The following RPTOR variants were observed in gnomAD, a reference collection of about 807,000 sequenced individuals.
RPTOR encodes regulatory-associated protein of mTOR.
A neutral mutation model predicts 169.9 loss-of-function variants in RPTOR; 21 were observed. That is an observed-to-expected ratio of 0.12 (90% CI 0.09 to 0.18). The LOEUF is 0.18. Among genes scored for constraint, RPTOR ranks in the 10% least tolerant of loss-of-function variants. RPTOR has a pLI of 1.00. For missense variants in RPTOR, 1,133 were observed against 1,855.9 expected, an observed-to-expected ratio of 0.61 and a Z score of 7.16; for synonymous variants, 732 against 753.2, an observed-to-expected ratio of 0.97 and a Z score of 0.46.
At chr17:80,849,109 A>G (rs1260958757) in intron 11 of RPTOR, among the ~76,000 whole-genome samples, 1 of 152,168 alleles carries the variant, frequency 6.6e-6, no homozygotes, top group Non-Finnish European at 1.5e-5. Flanking sequence ...ACCCCCCGGG[A>G]GTGGCTTCTT....
chr17:80,585,685 A>G (rs1012262977), intron 1 of RPTOR, among the ~76,000 whole-genome samples: 28 of 152,326 alleles, frequency 1.8e-4, no homozygotes, highest in African/African-American at 6.5e-4. Flanking sequence ...GTTTAGGCAC[A>G]GTGCTGCTTC....
intron 4 of RPTOR, among the ~76,000 whole-genome samples, chr17:80,713,375 T>TA (rs1326990756): frequency 6.6e-6 from 1 of 152,242 alleles, no homozygotes; most frequent in African/African-American, 2.4e-5. Flanking sequence ...AGATATGTGT[T>TA]TCGCAAATAT....
chr17:80,600,109 GCT>G (rs1377801776), intron 1 of RPTOR, among the ~76,000 whole-genome samples: 1 of 152,190 alleles, frequency 6.6e-6, no homozygotes, highest in East Asian at 1.9e-4. Context: ...TGGCCTTTCA[GCT>G]GGAGGAGAGG....
rs940705722 is a variant in RPTOR at position 80,545,006 on chromosome 17, G to A, written c.-624G>A. The A allele has an allele frequency of 9.5e-5, 22 of 232,668 alleles. No homozygotes were observed. Among genetic ancestry groups the A allele is most frequent in the Non-Finnish European group, 1.5e-4 (18 of 117,486 alleles). 14.4% of individuals were successfully genotyped at this position (232,668 alleles called of 1,614,324 possible). ...TCGTTCTCAGGCAGGAGAGAGCCTC[G>A]GGGCTGAAGGCCAGGACCAGCCAGG... On this transcript the variant is annotated 5_prime_UTR_variant, in exon 1 of 34. Coordinates refer to ENST00000306801, the MANE Select transcript of RPTOR (RefSeq NM_020761.3).
At chr17:80,575,097 C>T (rs889511282) in intron 1 of RPTOR, among the ~76,000 whole-genome samples, 2 of 152,032 alleles carry the variant, frequency 1.3e-5, no homozygotes. Flanking sequence ...AGCCATTTGT[C>T]TTTTCTAGTG....
chr17:80,555,869 G>A (rs904779327), intron 1 of RPTOR, among the ~76,000 whole-genome samples: 4 of 152,056 alleles, frequency 2.6e-5, no homozygotes, highest in Admixed American at 1.3e-4. Flanking sequence ...TGGATGGAGT[G>A]GGGTGATTGG....
chr17:80,600,820 A>G (rs2065179467), intron 1 of RPTOR, among the ~76,000 whole-genome samples: 1 of 151,968 alleles, frequency 6.6e-6, no homozygotes, highest in Non-Finnish European at 1.5e-5. Context: ...ACAGTGGCAG[A>G]TCGTATTTTC....
chr17:80,684,554 C>T (rs1328125854), intron 3 of RPTOR, among the ~76,000 whole-genome samples: 1 of 151,994 alleles, frequency 6.6e-6, no homozygotes, highest in Non-Finnish European at 1.5e-5. Context: ...ACGCCATTCT[C>T]CTGCCTCAGC....
chr17:80,644,413 G>C (rs1022523376), intron 3 of RPTOR, among the ~76,000 whole-genome samples: 1 of 146,862 alleles, frequency 6.8e-6, no homozygotes, highest in Admixed American at 6.9e-5. Context: ...AAGATCTTAA[G>C]TTACTTGTAA....
chr17:80,907,950 A>G (rs1242982558), intron 20 of RPTOR, among the ~76,000 whole-genome samples: 5 of 152,134 alleles, frequency 3.3e-5, no homozygotes, highest in African/African-American at 1.2e-4. Flanking sequence ...CTGAGGCCGC[A>G]CGCTGTCGTG....
chr17:80,939,953 T>A (rs1470218240), intron 24 of RPTOR, among the ~76,000 whole-genome samples: 1 of 152,094 alleles, frequency 6.6e-6, no homozygotes, highest in Non-Finnish European at 1.5e-5. Flanking sequence ...GCCCCCACAC[T>A]AGTGAACACA....
intron 5 of RPTOR, among the ~76,000 whole-genome samples, chr17:80,752,222 CT>C (rs1370916508): frequency 2.6e-5 from 4 of 152,190 alleles, no homozygotes; most frequent in African/African-American, 7.2e-5. Context: ...ACCCTTTCCC[CT>C]CTCCCCTCTC....
chr17:80,701,964 C>G (rs2066104554), intron 3 of RPTOR, among the ~76,000 whole-genome samples: 1 of 152,160 alleles, frequency 6.6e-6, no homozygotes, highest in Non-Finnish European at 1.5e-5. Flanking sequence ...TCTAGCGGGA[C>G]CATGCCGCCA....
chr17:80,720,975 G>A (rs955854820), intron 4 of RPTOR, among the ~76,000 whole-genome samples: 1 of 151,102 alleles, frequency 6.6e-6, no homozygotes, highest in African/African-American at 2.5e-5. Context: ...TGTCGGGAGA[G>A]ACACTTCCCC....
rs2068147469 is a variant in RPTOR, at chr17:80,878,449, C to T, written c.1510-1966C>T. On this transcript the variant is annotated intron_variant, in intron 13 of 33. Coordinates refer to ENST00000306801, the MANE Select transcript of RPTOR (RefSeq NM_020761.3). This position sits in a 1 kb window ranked among gnomAD's most constrained non-coding sequence, Gnocchi z 4.1. ...ACAGCCTCCGCCTCCCAGGTTCCAG[C>T]GATTCTCCTGCCTCAGCCTCCCGAG... Among the ~76,000 whole-genome samples the T allele has an allele frequency of 6.6e-6, 1 of 152,016 alleles. No individual in the cohort carries two copies. Among genetic ancestry groups the T allele is most frequent in the Non-Finnish European group, 1.5e-5 (1 of 67,994 alleles).
At chr17:80,760,655 C>T (rs578174622) in intron 6 of RPTOR, among the ~76,000 whole-genome samples, 1 of 152,296 alleles carries the variant, frequency 6.6e-6, no homozygotes, top group Non-Finnish European at 1.5e-5. Flanking sequence ...GGCCCAGGAG[C>T]TATAGCTTGG....
intron 3 of RPTOR, among the ~76,000 whole-genome samples, chr17:80,667,345 C>G (rs2065788614): frequency 6.6e-6 from 1 of 152,148 alleles, no homozygotes; most frequent in African/African-American, 2.4e-5. Context: ...TGTGAGCAGA[C>G]ATTCCAGTGG....
Position 80,796,590 on chromosome 17 carries a change from G to A in RPTOR, c.890+5081G>A, listed in dbSNP as rs562864544. Among the ~76,000 whole-genome samples the A allele has an allele frequency of 1.1e-4, 16 of 152,276 alleles. No homozygotes were observed. In the South Asian group the frequency reaches 2.3e-3, roughly 22 times the overall value. Reference sequence around the variant, plus strand: ...TCCAGTCACCTCCCACCAGGTCCCCGCCTCAACACATGGGTATTAGAGTTC... The same window carrying A: ...TCCAGTCACCTCCCACCAGGTCCCCACCTCAACACATGGGTATTAGAGTTC... On this transcript the variant is annotated intron_variant, in intron 7 of 33. Transcript: ENST00000306801.
intron 25 of RPTOR, 128 bp from the exon 26 acceptor site, chr17:80,945,527 GCTTGCAGTGAGC>G (rs68078977): frequency 0.23 from 116,453 of 512,240 alleles, 13,356 homozygotes; most frequent in African/African-American, 0.28. Context: ...GGGAGGCGGA[GCTTGCAGTGAGC>G]CAAGATTGCA....
Sources: gnomAD v4.1 joint callset for allele counts (sites outside exome capture counted in the v4.1 genomes callset) on GRCh38, gnomAD v4.1.1 for gene constraint, Gnocchi (gnomAD v3.1) non-coding constraint, MANE v1.5 for transcripts, NCBI Gene and HGNC (gene_info 2026-07-23, HGNC 2026-07-21) for gene names.